Variants in SPPL2A observed in about 807,000 individuals in gnomAD.
SPPL2A encodes the protein signal peptide peptidase-like 2A.
A neutral mutation model predicts 63.8 loss-of-function variants in SPPL2A; 51 were observed. The ratio of observed to expected loss-of-function variants is 0.80; its 90% CI spans 0.64 to 1.01. SPPL2A has a LOEUF of 1.01. Ranked by LOEUF, SPPL2A falls within the 50% of genes least tolerant of loss-of-function variation. SPPL2A has a pLI of 0.00. For missense variants in SPPL2A, 553 were observed against 622.7 expected (o/e 0.89, Z 1.19); for synonymous variants, 188 against 205.8 (o/e 0.91, Z 0.74).
intron 8 of SPPL2A, 70 bp downstream of exon 8, chr15:50,736,031 A>T: frequency 1.0e-6 from 1 of 980,352 alleles, no homozygotes; most frequent in Non-Finnish European, 1.6e-6. Context: ...TAATAATCAT[A>T]ATAAGTATCA....
intron 5 of SPPL2A, among the ~76,000 whole-genome samples, chr15:50,746,210 C>T (rs753764194): frequency 2.6e-5 from 4 of 151,702 alleles, no homozygotes; most frequent in South Asian, 2.1e-4. Flanking sequence ...GAGGCCAAGG[C>T]GGGCAGATCA....
chr15:50,739,200 C>CG (rs2062798196), intron 6 of SPPL2A, among the ~76,000 whole-genome samples: 1 of 119,530 alleles, frequency 8.4e-6, no homozygotes, highest in South Asian at 2.7e-4. Flanking sequence ...TTTTTTAAGA[C>CG]GGAGTTTCGC....
intron 6 of SPPL2A, among the ~76,000 whole-genome samples, chr15:50,738,046 T>A (rs1388524304): frequency 6.6e-6 from 1 of 152,076 alleles, no homozygotes; most frequent in Non-Finnish European, 1.5e-5. Flanking sequence ...TAGCTGGGCA[T>A]GGTGGGATGT....
intron 4 of SPPL2A, chr15:50,747,878 T>C (rs748918218): frequency 3.7e-5 from 17 of 464,488 alleles, no homozygotes; most frequent in African/African-American, 3.3e-4. Context: ...TTAAGATAAA[T>C]GACATGACAA....
Position 50,715,730 on chromosome 15 carries a change from T to C in SPPL2A, c.1488+4210A>G, listed in dbSNP as rs1336598629. ...TTAAGATACAAAAAAGAAAAATTACTAAAATGCAATCAGTAAAGGTCTATG... is the reference window on the plus strand; with the variant it reads ...TTAAGATACAAAAAAGAAAAATTACCAAAATGCAATCAGTAAAGGTCTATG... On this transcript the variant is annotated intron_variant, in intron 14 of 14. Transcript: ENST00000261854. 2.6e-5 allele frequency among the ~76,000 whole-genome samples: 4 copies of C among 152,164 alleles called. No individual in the cohort carries two copies. The South Asian group carries it at 6.2e-4, about 24-fold the overall frequency.
At chr15:50,711,367 G>A (rs1236618187) in intron 14 of SPPL2A, among the ~76,000 whole-genome samples, 4 of 151,786 alleles carry the variant, frequency 2.6e-5, no homozygotes, top group Admixed American at 6.6e-5. Context: ...ACGCCACCAC[G>A]CCTGGATAAT....
In SPPL2A at chr15:50,738,230, G is replaced by C. The variant is rs114252333; in HGVS notation, c.733+1450C>G. ...TCATAGGTCTAGTTTTTAAACTGCT[G>C]TCACAGGACAAGAGAAACTGAACAA... On this transcript the variant is annotated intron_variant, in intron 6 of 14. Transcript: ENST00000261854. Among the ~76,000 whole-genome samples, 901 of 151,386 alleles carry C rather than the reference G, an allele frequency of 6.0e-3. 15 individuals are homozygous for C. Among genetic ancestry groups the C allele is most frequent in the African/African-American group, 0.021 (867 of 41,314 alleles).
intron 14 of SPPL2A, among the ~76,000 whole-genome samples, chr15:50,708,535 G>A (rs900799714): frequency 9.2e-5 from 14 of 151,658 alleles, no homozygotes; most frequent in African/African-American, 2.4e-4. Flanking sequence ...GTGAAACCCC[G>A]TCTCTAATAA....
intron 1 of SPPL2A, among the ~76,000 whole-genome samples, chr15:50,759,189 C>G (rs2062988044): frequency 6.6e-6 from 1 of 152,142 alleles, no homozygotes; most frequent in Non-Finnish European, 1.5e-5. Context: ...CAGGCATGAG[C>G]CACCATGCCT....
rs921473212 is a variant in SPPL2A, at chr15:50,756,171, T to C, written c.67-6425A>G. On this transcript the variant is annotated intron_variant, in intron 1 of 14. Transcript: ENST00000261854. ...GTCAGGAGATCAAGACCATCCTGGC[T>C]AACATGGTGAAACCCCGTCCCTACT... 1.4e-4 allele frequency among the ~76,000 whole-genome samples: 21 copies of C among 151,488 alleles called. No homozygotes were observed. The East Asian group carries it at 2.4e-3, about 17-fold the overall frequency.
At chr15:50,730,335 A>G (rs1356954562) in intron 10 of SPPL2A, among the ~76,000 whole-genome samples, 1 of 152,156 alleles carries the variant, frequency 6.6e-6, no homozygotes, top group Non-Finnish European at 1.5e-5. Context: ...ACAAATGGAC[A>G]GAAGCAAAAA....
chr15:50,749,686 T>C lies in SPPL2A; in HGVS notation c.127A>G (p.Met43Val), dbSNP rs2062891210. 1.2e-6 allele frequency: 2 copies of C among 1,613,694 alleles called. No individual in the cohort carries two copies. Among genetic ancestry groups the C allele is most frequent in the Non-Finnish European group, 1.7e-6 (2 of 1,179,570 alleles). The change falls in exon 2 of 15, where the codon ATG becomes GTG. Residue 43 changes from methionine (M) to valine (V), a missense_variant. By Grantham distance (21) the Met-to-Val change is conservative. Transcript: ENST00000261854. Reference protein sequence around the residue: ...SGNGTTKDYCMLYNPYWTALP... With the variant: ...SGNGTTKDYCVLYNPYWTALP... Reference sequence around the variant, plus strand: ...GCTGTCCAATAAGGGTTATAAAGCATGCAGTAGTCCTTGGTTGTGCCATTT... The same window carrying C: ...GCTGTCCAATAAGGGTTATAAAGCACGCAGTAGTCCTTGGTTGTGCCATTT...
chr15:50,757,866 C>T (rs1347447971), intron 1 of SPPL2A, among the ~76,000 whole-genome samples: 3 of 151,698 alleles, frequency 2.0e-5, no homozygotes, highest in Non-Finnish European at 4.4e-5. Context: ...CGCCTATAAT[C>T]CCAGCTACTC....
intron 1 of SPPL2A, among the ~76,000 whole-genome samples, chr15:50,756,362 A>G (rs1253602569): frequency 1.3e-5 from 2 of 151,160 alleles, no homozygotes; most frequent in African/African-American, 4.9e-5. Flanking sequence ...GTCTCAAAAA[A>G]AAAAAAAAAA....
rs1286186851 is a variant in SPPL2A, at chr15:50,706,672, A to G, written c.*1128T>C. On this transcript the variant is annotated 3_prime_UTR_variant, in exon 15 of 15. Coordinates refer to ENST00000261854, the MANE Select transcript of SPPL2A (RefSeq NM_032802.4). ...AATGCTGTATTCAACGATGAGCCAT[A>G]TGTATTAATACATAATTTCTTAAGA... 6.6e-6 allele frequency: 1 copy of G among 152,152 alleles called. No individual in the cohort carries two copies. The highest frequency in any genetic ancestry group is 6.6e-5 in the Admixed American group (1 of 15,254). The allele number at this position is 152,152 out of a possible 1,614,324, so 9.4% of individuals were successfully genotyped here.
At chr15:50,749,528 C>T (rs1160975418) in intron 2 of SPPL2A, 108 bp downstream of exon 2, 27 of 720,786 alleles carry the variant, frequency 3.7e-5, no homozygotes, top group Admixed American at 6.0e-5. Flanking sequence ...CCTCATGATC[C>T]GCCCGCCTTG....
intron 1 of SPPL2A, among the ~76,000 whole-genome samples, chr15:50,763,459 C>T (rs2063029511): frequency 6.6e-6 from 1 of 152,186 alleles, no homozygotes; most frequent in African/African-American, 2.4e-5. Flanking sequence ...GTCATCAGGA[C>T]ATTACATCCC....
chr15:50,719,955 T>C lies in SPPL2A; in HGVS notation c.1473A>G (p.Lys491=), dbSNP rs780440421. ...AAGCACATACCTGATAGCTGTTACC[T>C]TTCCAGAACTTTTTCATTTCCTTAC... ...WRRKEMKKFW[K]GNSYQMMDHL... The change falls in exon 14 of 15, where the codon AAA becomes AAG. Residue 491 remains lysine, a synonymous_variant. Coordinates refer to ENST00000261854, the MANE Select transcript of SPPL2A (RefSeq NM_032802.4). The C allele has an allele frequency of 1.1e-4, 176 of 1,612,202 alleles. No homozygotes were observed. The highest frequency in any genetic ancestry group is 1.4e-4 in the Non-Finnish European group (167 of 1,179,436).
chr15:50,736,582 C>T (rs987821168), intron 7 of SPPL2A, 62 bp downstream of exon 7: 7 of 975,218 alleles, frequency 7.2e-6, no homozygotes, highest in Admixed American at 2.1e-5. Flanking sequence ...AATACTCCTA[C>T]TTTTGTATTG....
Sources: allele counts gnomAD v4.1 joint callset (sites outside exome capture counted in the v4.1 genomes callset), GRCh38; gene constraint gnomAD v4.1.1; transcripts MANE v1.5; gene names NCBI Gene and HGNC (gene_info 2026-07-23, HGNC 2026-07-21).